Variants in HERC1 observed in about 807,000 individuals in gnomAD.
HERC1 encodes probable E3 ubiquitin-protein ligase HERC1.
A neutral mutation model predicts 554.3 loss-of-function variants in HERC1; 160 were observed. The ratio of observed to expected loss-of-function variants is 0.29; its 90% confidence interval spans 0.25 to 0.33. HERC1 has a LOEUF of 0.33. HERC1 is among the 10% of genes least tolerant of loss of function. The pLI, the probability that HERC1 is intolerant of heterozygous loss-of-function variation, is 1.00. For missense variants in HERC1, 4,919 were observed against 5,918.5 expected (o/e 0.83, Z 5.54); for synonymous variants, 2,175 against 2,131.7 (o/e 1.02, Z -0.56).
intron 2 of HERC1, among the ~76,000 whole-genome samples, chr15:63,768,619 G>C (rs990878389): frequency 2.6e-5 from 4 of 152,202 alleles, no homozygotes; most frequent in African/African-American, 9.7e-5. Context: ...AACAGGTAAG[G>C]AGTAGACTGA....
chr15:63,706,911 T>G (rs1050347508), intron 24 of HERC1, 80 bp from the exon 25 acceptor site: 2 of 882,646 alleles, frequency 2.3e-6, no homozygotes, highest in Admixed American at 2.5e-5. Context: ...AGTATTAGAA[T>G]AGAAATTCAT....
In HERC1 at chr15:63,636,000, G is replaced by A. The variant is rs1220876102; in HGVS notation, c.12375C>T (p.Pro4125=). The change falls in exon 65 of 78, where the codon CCC becomes CCT. Residue 4125 remains proline, a synonymous_variant. Transcript: ENST00000443617. ...GHGNSDRQRR[P]RQIEALQGEE... is the part of the protein sequence containing the mutation. ...CTCCTTGTAAGGCCTCGATCTGCCTGGGCCGCCGCTGCCTGTCGCTGTTCC... is the reference window on the plus strand; with the variant it reads ...CTCCTTGTAAGGCCTCGATCTGCCTAGGCCGCCGCTGCCTGTCGCTGTTCC... 1 of 1,613,918 alleles carries A rather than the reference G, an allele frequency of 6.2e-7. No homozygotes were observed. Among genetic ancestry groups the A allele is most frequent in the African/African-American group, 1.3e-5 (1 of 75,002 alleles).
chr15:63,763,971 G>A (rs929644863), intron 3 of HERC1, 125 bp downstream of exon 3: 3 of 454,090 alleles, frequency 6.6e-6, no homozygotes, highest in Non-Finnish European at 1.2e-5. Flanking sequence ...CTCTCTAGAG[G>A]TAACAACTGG....
chr15:63,721,971 G>A (rs1261585083), intron 19 of HERC1, among the ~76,000 whole-genome samples: 3 of 152,118 alleles, frequency 2.0e-5, no homozygotes, highest in Non-Finnish European at 4.4e-5. Flanking sequence ...AGTGATTGTT[G>A]TCCTTTAGCC....
At chr15:63,735,209 A>G (rs2074447319) in intron 12 of HERC1, among the ~76,000 whole-genome samples, 1 of 152,184 alleles carries the variant, frequency 6.6e-6, no homozygotes, top group Non-Finnish European at 1.5e-5. Context: ...GCAAGAAAGT[A>G]TAAATGTGAA....
In HERC1 at chr15:63,827,162, C is replaced by T. The variant is rs185385856; in HGVS notation, c.-27+6665G>A. Among the ~76,000 whole-genome samples, 24 of 152,182 alleles carry T rather than the reference C, an allele frequency of 1.6e-4. No homozygotes were observed. The East Asian group carries it at 2.1e-3, about 13-fold the overall frequency. ...AGAATAGGCTGGGTGCAGTGGCTCA[C>T]GCCTATAATCCCAACACTTTGGAAG... On this transcript the variant is annotated intron_variant, in intron 1 of 77. Transcript: ENST00000443617.
At chr15:63,753,188 C>A (rs990640404) in intron 7 of HERC1, 103 bp from the exon 8 acceptor site, 308 of 742,426 alleles carry the variant, frequency 4.1e-4, no homozygotes, top group Non-Finnish European at 5.6e-4. Flanking sequence ...CCATCACTAA[C>A]CTGGCAGATA....
At chr15:63,806,158 A>G (rs901443294) in intron 1 of HERC1, among the ~76,000 whole-genome samples, 5 of 151,336 alleles carry the variant, frequency 3.3e-5, no homozygotes, top group African/African-American at 1.2e-4. Context: ...TCTGCAGAAC[A>G]CAAGTGGTTT....
At chr15:63,783,070 T>C (rs1381734611) in intron 1 of HERC1, among the ~76,000 whole-genome samples, 1 of 152,230 alleles carries the variant, frequency 6.6e-6, no homozygotes, top group Admixed American at 6.5e-5. Flanking sequence ...ATTACTGAAA[T>C]GACAACAAAG....
Position 63,749,827 on chromosome 15 carries a change from T to C in HERC1, c.1903-36A>G. On this transcript the variant is annotated intron_variant, in intron 8 of 77. Coordinates refer to ENST00000443617, the MANE Select transcript of HERC1 (RefSeq NM_003922.4). The surrounding 1 kb of genome is among the most constrained non-coding windows in gnomAD (Gnocchi z 4.1). ...CAGAAATACGTTACACATAACTTCCTGAGATGATTAGATTGTTGGCTTTAG... is the reference window on the plus strand; with the variant it reads ...CAGAAATACGTTACACATAACTTCCCGAGATGATTAGATTGTTGGCTTTAG... 2 of 1,485,204 alleles carry C rather than the reference T, an allele frequency of 1.3e-6. No individual in the cohort carries two copies. Among genetic ancestry groups the C allele is most frequent in the Non-Finnish European group, 1.8e-6 (2 of 1,112,816 alleles). 92.0% of individuals were successfully genotyped at this position (1,485,204 alleles called of 1,614,324 possible).
chr15:63,693,223 T>C (rs543079674), intron 30 of HERC1, among the ~76,000 whole-genome samples: 1 of 144,836 alleles, frequency 6.9e-6, no homozygotes, highest in African/African-American at 2.6e-5. Flanking sequence ...ATCAAAACCC[T>C]TGGTGCTGGG....
intron 43 of HERC1, 109 bp downstream of exon 43, chr15:63,664,361 G>A (rs1434662045): frequency 3.3e-6 from 3 of 908,634 alleles, no homozygotes; most frequent in East Asian, 5.0e-5. Flanking sequence ...TGTTAATGTG[G>A]AGGGACTGAG....
At position 63,677,214 on chromosome 15, in the gene HERC1, A is replaced by G. The variant is rs1036693457; in HGVS notation, c.7070+631T>C. On this transcript the variant is annotated intron_variant, in intron 37 of 77. Coordinates refer to ENST00000443617, the MANE Select transcript of HERC1 (RefSeq NM_003922.4). This position sits in a 1 kb window ranked among gnomAD's most constrained non-coding sequence, Gnocchi z 4.4. The stretch of plus-strand genomic sequence containing the variant: ...TTTGGATTTGGGATGCTCAACCTGC[A>G]TTTCCTTGTAAACATATGAAATTTG... 6.6e-6 allele frequency among the ~76,000 whole-genome samples: 1 copy of G among 152,224 alleles called. No homozygotes were observed. The highest frequency in any genetic ancestry group is 2.4e-5 in the African/African-American group (1 of 41,468).
intron 1 of HERC1, among the ~76,000 whole-genome samples, chr15:63,791,236 G>A (rs1021712073): frequency 6.6e-6 from 1 of 152,100 alleles, no homozygotes; most frequent in African/African-American, 2.4e-5. Flanking sequence ...ACAGATTATT[G>A]GAATATTTGC....
At chr15:63,753,776 T>C (rs1214475037) in intron 7 of HERC1, among the ~76,000 whole-genome samples, 4 of 152,116 alleles carry the variant, frequency 2.6e-5, no homozygotes, top group African/African-American at 9.7e-5. Context: ...ACCATCTAGA[T>C]ACTCAACAAT....
chr15:63,633,980 TAAC>T lies in HERC1; in HGVS notation c.12571-13_12571-11del, dbSNP rs373138757. On this transcript the variant is annotated splice_polypyrimidine_tract_variant and intron_variant, in intron 66 of 77. Coordinates refer to ENST00000443617, the MANE Select transcript of HERC1 (RefSeq NM_003922.4). The stretch of plus-strand genomic sequence containing the variant: ...TTAATCCACAGGCCACCTAAAGAAA[TAAC>T]AGCATTCCGTAAGGCAAATCACAAG... 190 of 1,613,738 alleles carry T rather than the reference TAAC, an allele frequency of 1.2e-4. 1 individual carries two copies. The African/African-American group carries it at 2.1e-3, about 18-fold the overall frequency.
Position 63,712,857 on chromosome 15 carries a change from G to A in HERC1, c.4502C>T (p.Thr1501Ile). ...SLTAESRLVH[T>I]SPNYRLIKSR... ...TTTGATCAGTCTATAATTTGGGCTT[G>A]TGTGGACTAGCCGGCTCTCTGCAGT... Residue 1501 changes from threonine to isoleucine, a missense_variant, in exon 24 of 78, where the codon ACA (threonine) becomes ATA (isoleucine). Coordinates refer to ENST00000443617, the MANE Select transcript of HERC1 (RefSeq NM_003922.4). 1 of 1,613,648 alleles carries A rather than the reference G, an allele frequency of 6.2e-7. No homozygotes were observed. Among genetic ancestry groups the A allele is most frequent in the Non-Finnish European group, 8.5e-7 (1 of 1,179,732 alleles).
Position 63,725,493 on chromosome 15 carries a change from G to C in HERC1, c.3367C>G (p.Pro1123Ala). The change falls in exon 18 of 78, where the codon CCT becomes GCT. Residue 1123 changes from proline to alanine, a missense_variant. Physicochemically the swap from Pro to Ala is conservative, Grantham distance 27 (BLOSUM62 -1). Coordinates refer to ENST00000443617, the MANE Select transcript of HERC1 (RefSeq NM_003922.4). ...PLHGGPELIDPAGLPLPQPAQ... is the reference protein window; with the variant it reads ...PLHGGPELIDAAGLPLPQPAQ... ...GGCTGAGGTAATGGCAGACCAGCAG[G>C]ATCAATTAGTTCTGGCCCTCCTAAA... The C allele has an allele frequency of 6.2e-7, 1 of 1,613,826 alleles. No individual in the cohort carries two copies. Among genetic ancestry groups the C allele is most frequent in the Non-Finnish European group, 8.5e-7 (1 of 1,179,808 alleles).
chr15:63,826,798 AAAAAAAAAAAAAAAAAATATATATATAT>A (rs1228421326), intron 1 of HERC1, among the ~76,000 whole-genome samples: 5 of 48,146 alleles, frequency 1.0e-4, no homozygotes, highest in African/African-American at 4.7e-4. Context: ...AAAAAAAAAA[AAAAAAAAAAAAAAAAAATATATATATAT>A]ATATATATAT....
Sources: gnomAD v4.1 joint callset for allele counts (sites outside exome capture counted in the v4.1 genomes callset) on GRCh38, gnomAD v4.1.1 for gene constraint, Gnocchi (gnomAD v3.1) non-coding constraint, MANE v1.5 for transcripts, NCBI Gene and HGNC (gene_info 2026-07-23, HGNC 2026-07-21) for gene names.